GRHL1: variants seen among roughly 807,000 people sequenced by gnomAD.
GRHL1 encodes grainyhead like transcription factor 1.
In GRHL1, 38 loss-of-function variants were observed where a neutral mutation model predicts 75.7. The ratio of observed to expected loss-of-function variants is 0.50; its 90% confidence interval spans 0.39 to 0.66. The LOEUF is 0.66. Ranked by LOEUF, GRHL1 falls within the 30% of genes least tolerant of loss-of-function variation. GRHL1 has a pLI of 0.00. For synonymous variants in GRHL1, 266 were observed against 279.4 expected, an observed-to-expected ratio of 0.95 and a Z score of 0.48; for missense variants, 589 against 767.5, an observed-to-expected ratio of 0.77 and a Z score of 2.75.
chr2:9,981,752 C>T (rs929935004), intron 8 of GRHL1, among the ~76,000 whole-genome samples: 1 of 152,256 alleles, frequency 6.6e-6, no homozygotes, highest in Non-Finnish European at 1.5e-5. Context: ...TATGCATTTT[C>T]CTCCTTTTAT....
Position 9,996,311 on chromosome 2 carries a change from A to T in GRHL1, c.1592-5A>T, listed in dbSNP as rs762876301. The stretch of plus-strand genomic sequence containing the variant: ...CTTCCTTATTCCTGGTTGGGGATTG[A>T]TTAGTGCTGCTCTACGTTCGAAAGG... On this transcript the variant is annotated splice_region_variant and splice_polypyrimidine_tract_variant and intron_variant, in intron 13 of 15. Coordinates refer to ENST00000324907, the MANE Select transcript of GRHL1 (RefSeq NM_198182.3). 6.2e-7 allele frequency: 1 copy of T among 1,602,188 alleles called. No individual in the cohort carries two copies. The highest frequency in any genetic ancestry group is 8.6e-7 in the Non-Finnish European group (1 of 1,169,380).
rs768147373 is a variant in GRHL1 at position 9,955,033 on chromosome 2, G to A, written c.139G>A (p.Ala47Thr). 1.9e-6 allele frequency: 3 copies of A among 1,613,782 alleles called. No homozygotes were observed. The highest frequency in any genetic ancestry group is 2.5e-6 in the Non-Finnish European group (3 of 1,179,656). ...AAACCCTCTCACTGCAGCGACCAAA[G>A]CGATGATGAGCATCAATGGAGATGA... ...LENPLTAATK[A>T]MMSINGDEDS... is the part of the protein sequence containing the mutation. Residue 47 changes from alanine to threonine, a missense_variant, in exon 2 of 16, where the codon GCG (alanine) becomes ACG (threonine). By Grantham distance (58) the Ala-to-Thr change is moderately conservative (BLOSUM62 0). This residue lies in a region of GRHL1 where 362 missense variants were observed against 461.8 expected (regional missense o/e 0.78). Coordinates refer to ENST00000324907, the MANE Select transcript of GRHL1 (RefSeq NM_198182.3).
intron 14 of GRHL1, among the ~76,000 whole-genome samples, chr2:9,998,651 C>CATATATATGTACACATAT (rs1491227482): frequency 3.9e-5 from 1 of 25,876 alleles, no homozygotes; most frequent in South Asian, 7.1e-4. Context: ...TACACATATA[C>CATATATATGTACACATAT]ATATACATAT....
At chr2:9,973,226 C>T (rs181054022) in intron 8 of GRHL1, among the ~76,000 whole-genome samples, 19 of 152,266 alleles carry the variant, frequency 1.2e-4, no homozygotes, top group Admixed American at 1.2e-3. Context: ...CTGGTCTCCT[C>T]CCACCATCAG....
At position 9,951,897 on chromosome 2, in the gene GRHL1, T is replaced by G. The variant is rs1666792426; in HGVS notation, c.20+44T>G. On this transcript the variant is annotated intron_variant, in intron 1 of 15. Transcript: ENST00000324907. The surrounding 1 kb of genome is among the most constrained non-coding windows in gnomAD (Gnocchi z 4.2). ...TCCGGCCGCCGCGGGGGGGCCGCGC[T>G]GAGGGGCCGCACCTGCAGCGAGCGA... The G allele has an allele frequency of 7.3e-7, 1 of 1,370,506 alleles. No individual in the cohort carries two copies. Among genetic ancestry groups the G allele is most frequent in the African/African-American group, 1.5e-5 (1 of 65,624 alleles). 84.9% of individuals were successfully genotyped at this position (1,370,506 alleles called of 1,614,324 possible).
intron 15 of GRHL1, among the ~76,000 whole-genome samples, chr2:9,999,392 T>A (rs1299565498): frequency 6.6e-6 from 1 of 152,248 alleles, no homozygotes; most frequent in East Asian, 1.9e-4. Context: ...CTCCAGGGTG[T>A]GTGGCCAGCG....
rs1668685936 is a variant in GRHL1, at chr2:9,992,514, A to G, written c.1461+368A>G. On this transcript the variant is annotated intron_variant, in intron 11 of 15. Transcript: ENST00000324907. This position sits in a 1 kb window ranked among gnomAD's most constrained non-coding sequence, Gnocchi z 4.6. Reference sequence around the variant, plus strand: ...GCAATACCTAGGTTAAGGAGCTCTTATAACATAAGAACATCCGAAGGCTTT... The same window carrying G: ...GCAATACCTAGGTTAAGGAGCTCTTGTAACATAAGAACATCCGAAGGCTTT... Among the ~76,000 whole-genome samples the G allele has an allele frequency of 7.2e-6, 1 of 139,698 alleles. No individual in the cohort carries two copies. Among genetic ancestry groups the G allele is most frequent in the African/African-American group, 3.0e-5 (1 of 33,024 alleles). The allele number at this position is 139,698 out of a possible 152,430, so 91.6% of individuals were successfully genotyped here. A position where few individuals can be genotyped will look rare whatever the true frequency, so the allele number is the denominator to read the frequency against.
At chr2:9,999,051 T>G (rs893529083) in intron 15 of GRHL1, 22 bp downstream of exon 15, 1 of 1,437,358 alleles carries the variant, frequency 7.0e-7, no homozygotes, top group Non-Finnish European at 9.6e-7. Flanking sequence ...CTGCGTCCTG[T>G]GTACCTCGGA....
At chr2:9,964,438 C>CGAA (rs1161740226) in intron 7 of GRHL1, 92 bp downstream of exon 7, 2 of 697,370 alleles carry the variant, frequency 2.9e-6, no homozygotes, top group Admixed American at 5.4e-5. Flanking sequence ...AGCTTCCTGC[C>CGAA]GAAAGCATTT....
chr2:10,000,543 C>T lies in GRHL1; in HGVS notation c.1743-50C>T, dbSNP rs761752805. Reference sequence around the variant, plus strand: ...CTAACAGGTCAATCTAGGTCTGACTCCAGGACCAAGTGGCAGTGAAGTTGG... The same window carrying T: ...CTAACAGGTCAATCTAGGTCTGACTTCAGGACCAAGTGGCAGTGAAGTTGG... On this transcript the variant is annotated intron_variant, in intron 15 of 15. Transcript: ENST00000324907. 6.6e-6 allele frequency: 7 copies of T among 1,055,354 alleles called. No individual in the cohort carries two copies. In the South Asian group the frequency reaches 7.7e-5, roughly 12 times the overall value. The allele number at this position is 1,055,354 out of a possible 1,614,324, so 65.4% of individuals were successfully genotyped here.
rs546107903 is a variant in GRHL1, at chr2:9,979,608, C to T, written c.1111-6516C>T. ...ATTATTTTCAGCATTATAGCAGCAACGTTACAAAACCATGTAAAATTCTAC... is the reference window on the plus strand; with the variant it reads ...ATTATTTTCAGCATTATAGCAGCAATGTTACAAAACCATGTAAAATTCTAC... On this transcript the variant is annotated intron_variant, in intron 8 of 15. Transcript: ENST00000324907. Among the ~76,000 whole-genome samples, 13 of 151,940 alleles carry T rather than the reference C, an allele frequency of 8.6e-5. No individual in the cohort carries two copies. In the South Asian group the frequency reaches 1.9e-3, roughly 22 times the overall value.
intron 1 of GRHL1, among the ~76,000 whole-genome samples, chr2:9,953,619 C>T (rs975572674): frequency 1.3e-5 from 2 of 152,108 alleles, no homozygotes; most frequent in African/African-American, 4.8e-5. Flanking sequence ...TTCATTTTGA[C>T]TGAGGATACA....
At chr2:10,000,435 T>TC (rs1448973815) in intron 15 of GRHL1, among the ~76,000 whole-genome samples, 158 bp from the exon 16 acceptor site, 6 of 152,348 alleles carry the variant, frequency 3.9e-5, no homozygotes, top group African/African-American at 1.4e-4. Context: ...ACTATTATTA[T>TC]CCCCATTTTA....
intron 8 of GRHL1, among the ~76,000 whole-genome samples, chr2:9,983,403 G>A (rs959686006): frequency 2.0e-5 from 3 of 152,146 alleles, no homozygotes; most frequent in African/African-American, 7.2e-5. Context: ...TTTAGAATAA[G>A]AGAGAAATGT....
intron 8 of GRHL1, among the ~76,000 whole-genome samples, chr2:9,979,325 C>T (rs1015744986): frequency 6.6e-6 from 1 of 151,586 alleles, no homozygotes; most frequent in Non-Finnish European, 1.5e-5. Flanking sequence ...GCCTCTACCT[C>T]CTAGGCTCAA....
chr2:9,983,776 C>CCT (rs1668299329), intron 8 of GRHL1, among the ~76,000 whole-genome samples: 2 of 144,046 alleles, frequency 1.4e-5, no homozygotes, highest in African/African-American at 5.1e-5. Context: ...TTTGCATGGA[C>CCT]TTTTTTTTTT....
chr2:9,969,124 T>C (rs1173826348), intron 8 of GRHL1, among the ~76,000 whole-genome samples: 1 of 152,196 alleles, frequency 6.6e-6, no homozygotes, highest in East Asian at 1.9e-4. Context: ...CTTGCCTGAG[T>C]TGTAAATCTT....
At chr2:9,995,588 A>C (rs78390350) in intron 12 of GRHL1, among the ~76,000 whole-genome samples, 4,262 of 141,676 alleles carry the variant, frequency 0.03, 187 homozygotes, top group African/African-American at 0.11. Flanking sequence ...CTGTCTCACA[A>C]AAAAAAAAAA....
At chr2:9,986,720 T>C (rs1344694156) in intron 9 of GRHL1, among the ~76,000 whole-genome samples, 1 of 151,604 alleles carries the variant, frequency 6.6e-6, no homozygotes, top group Non-Finnish European at 1.5e-5. Flanking sequence ...GCCCAGCCTT[T>C]ATCAGAGATG....
Sources: allele counts gnomAD v4.1 joint callset (sites outside exome capture counted in the v4.1 genomes callset), GRCh38; gene constraint gnomAD v4.1.1; regional missense constraint gnomAD v4.1.1; non-coding constraint Gnocchi (gnomAD v3.1); transcripts MANE v1.5; gene names NCBI Gene and HGNC (gene_info 2026-07-23, HGNC 2026-07-21).